Variants in PLCXD3 observed in about 807,000 individuals in gnomAD.
PLCXD3 encodes the protein PI-PLC X domain-containing protein 3.
Under a neutral mutation model 25.5 loss-of-function variants are expected in PLCXD3, and 19 were observed. That is an observed-to-expected ratio of 0.75 (90% confidence interval 0.52 to 1.09). PLCXD3 has a LOEUF of 1.09. Ranked by LOEUF, PLCXD3 falls within the 50% of genes least tolerant of loss-of-function variation. The pLI is 0.00. For missense variants in PLCXD3, 411 were observed against 388.1 expected, an observed-to-expected ratio of 1.06 and a Z score of -0.50; for synonymous variants, 174 against 137.6, an observed-to-expected ratio of 1.26 and a Z score of -1.85.
chr5:41,382,006 A>T lies in PLCXD3; in HGVS notation c.632T>A (p.Met211Lys), dbSNP rs1284889076. ...LEVPFLWPGQ[M>K]MPAPWANTTD... ...GGTGTTGGCCCAGGGTGCTGGCATC[A>T]TCTGCCCAGGCCAGAGAAAGGGCAC... The change falls in exon 2 of 3, where the codon ATG becomes AAG. Residue 211 changes from methionine to lysine, a missense_variant. Met to Lys is a moderately conservative substitution (Grantham distance 95). Coordinates refer to ENST00000377801, the MANE Select transcript of PLCXD3 (RefSeq NM_001005473.3). The T allele has an allele frequency of 6.2e-7, 1 of 1,613,468 alleles. No individual in the cohort carries two copies. The highest frequency in any genetic ancestry group is 8.5e-7 in the Non-Finnish European group (1 of 1,179,752).
intron 2 of PLCXD3, among the ~76,000 whole-genome samples, chr5:41,326,882 A>C (rs1384678319): frequency 1.3e-5 from 2 of 152,184 alleles, no homozygotes; most frequent in African/African-American, 4.8e-5. Flanking sequence ...AAAACAACAC[A>C]TTCATTGAAC....
At chr5:41,414,499 C>T (rs776897606) in intron 1 of PLCXD3, among the ~76,000 whole-genome samples, 6 of 151,950 alleles carry the variant, frequency 3.9e-5, no homozygotes, top group Admixed American at 6.6e-5. Context: ...AATTGTACTG[C>T]GAATATTTTA....
chr5:41,411,033 C>A (rs1198492579), intron 1 of PLCXD3, among the ~76,000 whole-genome samples: 1 of 152,050 alleles, frequency 6.6e-6, no homozygotes, highest in Non-Finnish European at 1.5e-5. Context: ...TGGGGGAGGG[C>A]AGATTAGATA....
At position 41,404,630 on chromosome 5, in the gene PLCXD3, G is replaced by C. The variant is rs143696503; in HGVS notation, c.104-22096C>G. On this transcript the variant is annotated intron_variant, in intron 1 of 2. Transcript: ENST00000377801. The stretch of plus-strand genomic sequence containing the variant: ...AGCAGTGTCTAAAGATTTATATTCT[G>C]CTATATTAATAAAACTTGTATATGA... Among the ~76,000 whole-genome samples, 27 of 152,114 alleles carry C rather than the reference G, an allele frequency of 1.8e-4. No individual in the cohort carries two copies. In the East Asian group the frequency reaches 2.1e-3, roughly 12 times the overall value.
chr5:41,486,071 C>A (rs1748510861), intron 1 of PLCXD3, among the ~76,000 whole-genome samples: 1 of 152,020 alleles, frequency 6.6e-6, no homozygotes, highest in Admixed American at 6.6e-5. Context: ...TCCATGGAAC[C>A]CTTCTCATTC....
chr5:41,329,813 ATATTAAT>A (rs200886897), intron 2 of PLCXD3, among the ~76,000 whole-genome samples: 1,555 of 147,930 alleles, frequency 0.011, 34 homozygotes, highest in African/African-American at 0.036. Flanking sequence ...ATTTTATTAT[ATATTAAT>A]TATTAATTAT....
chr5:41,376,274 T>C (rs1191581237), intron 2 of PLCXD3, among the ~76,000 whole-genome samples: 2 of 152,092 alleles, frequency 1.3e-5, no homozygotes, highest in Admixed American at 6.6e-5. Context: ...AGTCAAACCA[T>C]GTCAGCAATT....
chr5:41,410,247 C>A (rs1256798192), intron 1 of PLCXD3, among the ~76,000 whole-genome samples: 1 of 150,808 alleles, frequency 6.6e-6, no homozygotes, highest in Non-Finnish European at 1.5e-5. Flanking sequence ...TCAAGCAATT[C>A]TCCTGCCTCA....
intron 1 of PLCXD3, among the ~76,000 whole-genome samples, chr5:41,481,949 C>T (rs932170295): frequency 6.6e-6 from 1 of 152,090 alleles, no homozygotes; most frequent in African/African-American, 2.4e-5. Flanking sequence ...AGAGCCCAAG[C>T]CACAAGAATA....
intron 2 of PLCXD3, among the ~76,000 whole-genome samples, chr5:41,361,236 A>G (rs1471642180): frequency 6.6e-6 from 1 of 152,152 alleles, no homozygotes; most frequent in African/African-American, 2.4e-5. Flanking sequence ...GCAGTCCTAA[A>G]GGCTAGTCTC....
In PLCXD3 at chr5:41,308,479, A is replaced by G. The variant is rs929518439; in HGVS notation, c.*5138T>C. 4 of 152,164 alleles carry G rather than the reference A, an allele frequency of 2.6e-5. No individual in the cohort carries two copies. Among genetic ancestry groups the G allele is most frequent in the African/African-American group, 9.6e-5 (4 of 41,456 alleles). 9.4% of individuals were successfully genotyped at this position (152,164 alleles called of 1,614,324 possible). A position where few individuals can be genotyped will look rare whatever the true frequency, so the allele number is the denominator to read the frequency against. On this transcript the variant is annotated 3_prime_UTR_variant, in exon 3 of 3. Transcript: ENST00000377801. ...TATTCTGTAATCAGATCCAAGCCCA[A>G]AGAAGGTCACAGAATTTTTGCTTCA...
intron 1 of PLCXD3, among the ~76,000 whole-genome samples, chr5:41,429,503 A>T (rs1355806659): frequency 6.6e-6 from 1 of 152,182 alleles, no homozygotes; most frequent in East Asian, 1.9e-4. Context: ...AAACAGGACT[A>T]TAGGCCAAAT....
At chr5:41,432,712 A>G (rs1747146874) in intron 1 of PLCXD3, among the ~76,000 whole-genome samples, 3 of 152,222 alleles carry the variant, frequency 2.0e-5, no homozygotes, top group Admixed American at 6.5e-5. Flanking sequence ...GTAAATAAAT[A>G]GGAGCAAGAA....
intron 1 of PLCXD3, among the ~76,000 whole-genome samples, chr5:41,409,761 G>A (rs1356516253): frequency 1.3e-5 from 2 of 152,118 alleles, no homozygotes; most frequent in Non-Finnish European, 2.9e-5. Flanking sequence ...TTTGTTGCAT[G>A]AAATAATATA....
At chr5:41,377,802 T>G (rs530607053) in intron 2 of PLCXD3, among the ~76,000 whole-genome samples, 1 of 152,206 alleles carries the variant, frequency 6.6e-6, no homozygotes, top group Non-Finnish European at 1.5e-5. Context: ...ATATTAGGCA[T>G]GATTTTAAAA....
intron 2 of PLCXD3, among the ~76,000 whole-genome samples, chr5:41,330,980 G>A (rs1743785777): frequency 6.6e-6 from 1 of 152,120 alleles, no homozygotes; most frequent in South Asian, 2.1e-4. Flanking sequence ...CAAAGCCACA[G>A]CCAATATCAT....
At chr5:41,403,408 T>TGTTTTGTTTTGTTTTTGTTTA (rs1554047967) in intron 1 of PLCXD3, among the ~76,000 whole-genome samples, 1 of 26,230 alleles carries the variant, frequency 3.8e-5, no homozygotes, top group Non-Finnish European at 9.4e-5. Flanking sequence ...GTTGTTTTTT[T>TGTTTTGTTTTGTTTTTGTTTA]TTTTTTTTAT....
intron 1 of PLCXD3, among the ~76,000 whole-genome samples, chr5:41,496,687 C>T (rs1580403483): frequency 6.8e-6 from 1 of 146,638 alleles, no homozygotes; most frequent in Admixed American, 6.8e-5. Context: ...ACAAGAAATG[C>T]TAAAGGGATT....
intron 1 of PLCXD3, among the ~76,000 whole-genome samples, chr5:41,454,441 C>T (rs976081736): frequency 1.1e-4 from 16 of 151,978 alleles, no homozygotes; most frequent in African/African-American, 3.9e-4. Flanking sequence ...CACAAGATGG[C>T]AGGTGCTAGC....
Sources: gnomAD v4.1 joint callset for allele counts (sites outside exome capture counted in the v4.1 genomes callset) on GRCh38, gnomAD v4.1.1 for gene constraint, MANE v1.5 for transcripts, NCBI Gene and HGNC (gene_info 2026-07-23, HGNC 2026-07-21) for gene names.